Variants in CACNA1C observed in about 807,000 individuals in gnomAD.
CACNA1C encodes voltage-dependent L-type calcium channel subunit alpha-1C.
In CACNA1C, 30 loss-of-function variants were observed where a neutral mutation model predicts 229.0. That is an observed-to-expected ratio of 0.13 (90% CI 0.10 to 0.18). The LOEUF is 0.18. Ranked by LOEUF, CACNA1C falls within the 10% of genes least tolerant of loss-of-function variation. The pLI, the probability that CACNA1C is intolerant of heterozygous loss-of-function variation, is 1.00. For synonymous variants in CACNA1C, 1,114 were observed against 1,132.5 expected, an observed-to-expected ratio of 0.98 and a Z score of 0.33; for missense variants, 1,658 against 2,845.0, an observed-to-expected ratio of 0.58 and a Z score of 9.49.
chr12:2,440,968 A>G (rs2099219110), intron 3 of CACNA1C, among the ~76,000 whole-genome samples: 1 of 152,230 alleles, frequency 6.6e-6, no homozygotes, highest in Admixed American at 6.5e-5. Context: ...GAGGTTGTGC[A>G]TCCTTCATCT....
intron 3 of CACNA1C, among the ~76,000 whole-genome samples, chr12:2,436,552 T>C (rs531374936): frequency 1.3e-5 from 2 of 152,252 alleles, no homozygotes; most frequent in South Asian, 4.2e-4. Context: ...GACCATAATT[T>C]GAACTAAGCA....
intron 3 of CACNA1C, among the ~76,000 whole-genome samples, chr12:2,180,543 A>C (rs2096803715): frequency 6.6e-6 from 1 of 152,202 alleles, no homozygotes; most frequent in Non-Finnish European, 1.5e-5. Flanking sequence ...GGTTTTCCCC[A>C]CTTCTCTTGT....
chr12:2,288,022 G>A (rs1001561183), intron 3 of CACNA1C: 1 of 146,944 alleles, frequency 6.8e-6, no homozygotes, highest in East Asian at 2.0e-4. Context: ...TGGTCAGACT[G>A]TGTGCTAGGC....
chr12:2,629,985 T>G (rs1008323952), intron 29 of CACNA1C, among the ~76,000 whole-genome samples: 2 of 152,114 alleles, frequency 1.3e-5, no homozygotes, highest in Non-Finnish European at 2.9e-5. Flanking sequence ...AGTGGGGAGT[T>G]GGAAGGGGGA....
chr12:2,090,097 T>G (rs1199706794), intron 1 of CACNA1C, among the ~76,000 whole-genome samples: 1 of 152,070 alleles, frequency 6.6e-6, no homozygotes, highest in Non-Finnish European at 1.5e-5. Context: ...TCTCCCTGCC[T>G]CCAGCCCCTG....
chr12:2,224,486 C>A (rs11062164), intron 3 of CACNA1C, among the ~76,000 whole-genome samples: 11,371 of 152,292 alleles, frequency 0.075, 727 homozygotes, highest in East Asian at 0.29. Context: ...TGAGCTCCCA[C>A]ATTCCCAGCC....
At chr12:2,484,608 G>A (rs907786975) in intron 5 of CACNA1C, among the ~76,000 whole-genome samples, 3 of 152,096 alleles carry the variant, frequency 2.0e-5, no homozygotes, top group South Asian at 2.1e-4. Flanking sequence ...CATTGGAGGC[G>A]GTGGCACTGA....
At chr12:2,401,003 A>G (rs1333831165) in intron 3 of CACNA1C, among the ~76,000 whole-genome samples, 1 of 149,140 alleles carries the variant, frequency 6.7e-6, no homozygotes, top group East Asian at 2.0e-4. Context: ...CCTTCTCCCC[A>G]CTGCCCTCAG....
At chr12:2,440,302 C>G (rs1010366184) in intron 3 of CACNA1C, among the ~76,000 whole-genome samples, 3 of 152,132 alleles carry the variant, frequency 2.0e-5, no homozygotes, top group Non-Finnish European at 2.9e-5. Context: ...CCCAGCCCCT[C>G]GTAACCCGTA....
At chr12:2,093,781 C>T (rs2072532952) in intron 1 of CACNA1C, among the ~76,000 whole-genome samples, 1 of 152,164 alleles carries the variant, frequency 6.6e-6, no homozygotes, top group African/African-American at 2.4e-5. Flanking sequence ...AGCCCTAAGA[C>T]CATAGTTTTA....
In CACNA1C at chr12:2,679,587, C is replaced by T. The variant is rs201861473; in HGVS notation, c.5235C>T (p.His1745=). ...SSQGDTESPS[H]EKLVDSTFTP... is the part of the protein sequence containing the mutation. ...AGGGCGACACTGAGTCGCCATCCCA[C>T]GAGAAGCTGGTGGACTCCACCTTCA... The change falls in exon 42 of 47, where the codon CAC becomes CAT. Residue 1745 remains histidine, a synonymous_variant. Transcript: ENST00000399655. This position sits in a 1 kb window ranked among gnomAD's most constrained non-coding sequence, Gnocchi z 5.5. 5.3e-5 allele frequency: 85 copies of T among 1,613,726 alleles called. No individual in the cohort carries two copies. The Admixed American group carries it at 1.1e-3, about 20-fold the overall frequency.
intron 3 of CACNA1C, among the ~76,000 whole-genome samples, chr12:2,368,278 G>A (rs1024892729): frequency 1.3e-5 from 2 of 152,204 alleles, no homozygotes; most frequent in African/African-American, 4.8e-5. Flanking sequence ...TAGAACCATT[G>A]CCAGTCAGCG....
chr12:2,586,316 A>G (rs541177494), intron 18 of CACNA1C, among the ~76,000 whole-genome samples: 1 of 152,224 alleles, frequency 6.6e-6, no homozygotes, highest in Non-Finnish European at 1.5e-5. Context: ...TGCCGAGTGC[A>G]GGGACAGCTG....
intron 1 of CACNA1C, among the ~76,000 whole-genome samples, chr12:2,084,292 A>G (rs1225808764): frequency 6.6e-6 from 1 of 152,202 alleles, no homozygotes; most frequent in Non-Finnish European, 1.5e-5. Flanking sequence ...ACTAACTTCA[A>G]CACGCAGCCA....
rs116483548 is a variant in CACNA1C at position 2,031,462 on chromosome 12, G to A, written c.139+60261G>A. Among the ~76,000 whole-genome samples the A allele has an allele frequency of 4.9e-3, 742 of 152,284 alleles. 6 individuals are homozygous for A. Among genetic ancestry groups the A allele is most frequent in the African/African-American group, 0.017 (711 of 41,554 alleles). On this transcript the variant is annotated intron_variant, in intron 1 of 46. Coordinates refer to the CACNA1C transcript ENST00000682462. ...GGCTCAACCTTCCAGAAGACAATGC[G>A]TGCCTGTCTCCTCTGCTGCATTCCT...
Position 2,584,488 on chromosome 12 carries a change from A to G in CACNA1C, c.2225-15A>G, listed in dbSNP as rs774706225. The G allele has an allele frequency of 5.0e-6, 8 of 1,592,844 alleles. No individual in the cohort carries two copies. The Admixed American group carries it at 1.3e-4, about 27-fold the overall frequency. The stretch of plus-strand genomic sequence containing the variant: ...CAAACCAAGGGTCATTTTCTTTAAG[A>G]ATGGACACAAACAGATATCCTACTG... On this transcript the variant is annotated splice_polypyrimidine_tract_variant and intron_variant, in intron 15 of 46. Transcript: ENST00000399655.
chr12:2,266,716 T>A (rs2082532007), intron 3 of CACNA1C, among the ~76,000 whole-genome samples: 2 of 152,130 alleles, frequency 1.3e-5, no homozygotes, highest in Admixed American at 1.3e-4. Flanking sequence ...AAGGATCAAG[T>A]GAGATCATGT....
rs898622468 is a variant in CACNA1C, at chr12:2,606,894, C to A, written c.3210-90C>A. The A allele has an allele frequency of 3.4e-6, 5 of 1,457,522 alleles. No individual in the cohort carries two copies. In the Admixed American group the frequency reaches 5.3e-5, roughly 15 times the overall value. The allele number at this position is 1,457,522 out of a possible 1,614,324, so 90.3% of individuals were successfully genotyped here. On this transcript the variant is annotated intron_variant, in intron 25 of 46. Coordinates refer to ENST00000399655, the MANE Select transcript of CACNA1C (RefSeq NM_000719.7). ...ACGGTGAAGTTCAAGCCAGGCAGTCCCATCCCACCCAGCATTCAAGGTCAC... is the reference window on the plus strand; with the variant it reads ...ACGGTGAAGTTCAAGCCAGGCAGTCACATCCCACCCAGCATTCAAGGTCAC...
At chr12:2,046,606 C>T (rs1469567955) in intron 1 of CACNA1C, among the ~76,000 whole-genome samples, 1 of 152,136 alleles carries the variant, frequency 6.6e-6, no homozygotes, top group Non-Finnish European at 1.5e-5. Context: ...TGCGTTCTGT[C>T]TTTGGGGGCT....
Sources: allele counts gnomAD v4.1 joint callset (sites outside exome capture counted in the v4.1 genomes callset), GRCh38; gene constraint gnomAD v4.1.1; non-coding constraint Gnocchi (gnomAD v3.1); transcripts MANE v1.5; gene names NCBI Gene and HGNC (gene_info 2026-07-23, HGNC 2026-07-21).